PDLIM1: variants seen among roughly 807,000 people sequenced by gnomAD.
PDLIM1 encodes PDZ and LIM domain 1, also known as PDZ and LIM domain protein 1.
PDLIM1 carries 25 observed loss-of-function variants against 35.2 expected under a neutral mutation model. That is an observed-to-expected ratio of 0.71 (90% CI 0.52 to 0.99). PDLIM1 has a LOEUF of 0.99. PDLIM1 is among the 50% of genes least tolerant of loss of function. The pLI is 0.00. For missense variants in PDLIM1, 363 were observed against 415.3 expected (o/e 0.87, Z 1.09); for synonymous variants, 152 against 154.0 (o/e 0.99, Z 0.10).
chr10:95,286,961 AG>A (rs2035607143), intron 1 of PDLIM1, among the ~76,000 whole-genome samples: 1 of 152,192 alleles, frequency 6.6e-6, no homozygotes, highest in African/African-American at 2.4e-5. Flanking sequence ...CTCTCCTCTC[AG>A]TCATCTACCT....
intron 4 of PDLIM1, among the ~76,000 whole-genome samples, chr10:95,259,585 A>T (rs2035343942): frequency 6.6e-6 from 1 of 152,204 alleles, no homozygotes; most frequent in Non-Finnish European, 1.5e-5. Flanking sequence ...AATTGTGGGC[A>T]CCAGGAGAAG....
In PDLIM1 at chr10:95,237,896, G is replaced by A; in HGVS notation, c.*29C>T. ...AGAGAAAAAGCTGCAGCAGAGGCCT[G>A]CTGGAGAACAGTGGTCAGATCTGCT... is the stretch of plus-strand genomic sequence containing the variant. On this transcript the variant is annotated 3_prime_UTR_variant, in exon 7 of 7. Coordinates refer to ENST00000329399, the MANE Select transcript of PDLIM1 (RefSeq NM_020992.4). 1 of 1,598,388 alleles carries A rather than the reference G, an allele frequency of 6.3e-7. No individual in the cohort carries two copies. Among genetic ancestry groups the A allele is most frequent in the African/African-American group, 1.3e-5 (1 of 74,782 alleles).
intron 5 of PDLIM1, among the ~76,000 whole-genome samples, chr10:95,245,528 T>C (rs2035211925): frequency 6.6e-6 from 1 of 152,150 alleles, no homozygotes; most frequent in South Asian, 2.1e-4. Flanking sequence ...TGCCTCTCAT[T>C]GAAGGGTTTC....
At chr10:95,249,947 A>G (rs1331867987) in intron 4 of PDLIM1, among the ~76,000 whole-genome samples, 1 of 151,796 alleles carries the variant, frequency 6.6e-6, no homozygotes, top group Non-Finnish European at 1.5e-5. Context: ...TGTCCTGCCC[A>G]CTCCTGCTTG....
At chr10:95,263,776 G>GTA in intron 4 of PDLIM1, 88 bp downstream of exon 4, 3 of 921,278 alleles carry the variant, frequency 3.3e-6, no homozygotes, top group Admixed American at 2.5e-5. Context: ...CTGGAGTAGT[G>GTA]GCTCTTGCAC....
chr10:95,270,939 T>C (rs1589516175), intron 2 of PDLIM1, among the ~76,000 whole-genome samples: 1 of 151,434 alleles, frequency 6.6e-6, no homozygotes, highest in Admixed American at 6.6e-5. Context: ...TTAGTGGAGA[T>C]AGGGTTTCAC....
At chr10:95,284,952 G>A (rs1355854781) in intron 1 of PDLIM1, among the ~76,000 whole-genome samples, 3 of 152,200 alleles carry the variant, frequency 2.0e-5, no homozygotes, top group African/African-American at 4.8e-5. Flanking sequence ...GGTGCTAACA[G>A]CCATACAGGA....
At chr10:95,286,260 G>A (rs899975861) in intron 1 of PDLIM1, among the ~76,000 whole-genome samples, 2 of 152,076 alleles carry the variant, frequency 1.3e-5, no homozygotes, top group Non-Finnish European at 2.9e-5. Context: ...AGGAGGCTGA[G>A]GCACAAGAAT....
At chr10:95,239,604 T>C (rs2035158993) in intron 5 of PDLIM1, among the ~76,000 whole-genome samples, 1 of 152,196 alleles carries the variant, frequency 6.6e-6, no homozygotes, top group Non-Finnish European at 1.5e-5. Flanking sequence ...GAGAATAGCC[T>C]GGCCAACATA....
rs112018690 is a variant in PDLIM1, at chr10:95,254,226, A to G, written c.534-6860T>C. Reference sequence around the variant, plus strand: ...GTACATTTTAAAACATGACCCAAATACATGCTATCAACATAAAACTCATTT... The same window carrying G: ...GTACATTTTAAAACATGACCCAAATGCATGCTATCAACATAAAACTCATTT... On this transcript the variant is annotated intron_variant, in intron 4 of 6. Transcript: ENST00000329399. Among the ~76,000 whole-genome samples the G allele has an allele frequency of 7.5e-3, 1,138 of 152,344 alleles. 20 individuals carry two copies. Among genetic ancestry groups the G allele is most frequent in the African/African-American group, 0.026 (1,079 of 41,574 alleles).
chr10:95,278,336 C>A (rs1175432352), intron 1 of PDLIM1, among the ~76,000 whole-genome samples: 1 of 152,248 alleles, frequency 6.6e-6, no homozygotes, highest in Non-Finnish European at 1.5e-5. Context: ...AGAGCCCCCA[C>A]TGTCAGGGCT....
At chr10:95,258,456 C>T (rs151207181) in intron 4 of PDLIM1, among the ~76,000 whole-genome samples, 2 of 151,910 alleles carry the variant, frequency 1.3e-5, no homozygotes, top group East Asian at 3.9e-4. Flanking sequence ...AAGCCAAGAT[C>T]GCGCCACTGC....
At chr10:95,278,006 C>T (rs1455396438) in intron 1 of PDLIM1, among the ~76,000 whole-genome samples, 3 of 152,204 alleles carry the variant, frequency 2.0e-5, no homozygotes, top group African/African-American at 4.8e-5. Context: ...TGGATGCATA[C>T]CCATGACAAA....
intron 4 of PDLIM1, among the ~76,000 whole-genome samples, chr10:95,250,805 G>A (rs1295313539): frequency 6.6e-6 from 1 of 152,202 alleles, no homozygotes; most frequent in Non-Finnish European, 1.5e-5. Context: ...GTTACACAAA[G>A]TTTCCTAGTT....
chr10:95,271,561 G>A, intron 2 of PDLIM1, 72 bp downstream of exon 2: 1 of 1,333,008 alleles, frequency 7.5e-7, no homozygotes, highest in African/African-American at 1.5e-5. Context: ...TTCTGAGATA[G>A]GGAAGGCAGT....
At chr10:95,266,364 GTACCCTTGCCT>G (rs2035417517) in intron 3 of PDLIM1, among the ~76,000 whole-genome samples, 1 of 152,196 alleles carries the variant, frequency 6.6e-6, no homozygotes, top group South Asian at 2.1e-4. Flanking sequence ...GGGTGGCCTG[GTACCCTTGCCT>G]ACATGTGCCG....
chr10:95,237,880 G>C lies in PDLIM1; in HGVS notation c.*45C>G, dbSNP rs540600162. ...GAGGGCCAGAACACTGAGAGAAAAAGCTGCAGCAGAGGCCTGCTGGAGAAC... is the reference window on the plus strand; with the variant it reads ...GAGGGCCAGAACACTGAGAGAAAAACCTGCAGCAGAGGCCTGCTGGAGAAC... On this transcript the variant is annotated 3_prime_UTR_variant, in exon 7 of 7. Transcript: ENST00000329399. The C allele has an allele frequency of 6.5e-7, 1 of 1,547,034 alleles. No individual in the cohort carries two copies. The highest frequency in any genetic ancestry group is 8.9e-7 in the Non-Finnish European group (1 of 1,126,586).
intron 5 of PDLIM1, among the ~76,000 whole-genome samples, chr10:95,245,738 T>A (rs527529538): frequency 6.6e-6 from 1 of 152,280 alleles, no homozygotes; most frequent in South Asian, 2.1e-4. Flanking sequence ...CATTTTAGCA[T>A]AAAAGAAGCA....
intron 5 of PDLIM1, among the ~76,000 whole-genome samples, chr10:95,246,112 A>G (rs536973073): frequency 6.6e-6 from 1 of 152,330 alleles, no homozygotes; most frequent in South Asian, 2.1e-4. Context: ...GAAGTGCCCA[A>G]GCCTCAAGAA....
Sources: gnomAD v4.1 joint callset for allele counts (sites outside exome capture counted in the v4.1 genomes callset) on GRCh38, gnomAD v4.1.1 for gene constraint, MANE v1.5 for transcripts, NCBI Gene and HGNC (gene_info 2026-07-23, HGNC 2026-07-21) for gene names.